The following GSPT1 variants were observed in gnomAD, a reference collection of about 807,000 sequenced individuals.
GSPT1 encodes G1 to S phase transition 1, also known as eukaryotic peptide chain release factor GTP-binding subunit ERF3A.
Under a neutral mutation model 72.5 loss-of-function variants are expected in GSPT1, and 20 were observed. That is an observed-to-expected ratio of 0.28 (90% CI 0.19 to 0.40). The LOEUF is 0.40. Among genes scored for constraint, GSPT1 ranks in the 10% least tolerant of loss-of-function variants. The pLI is 1.00. For missense variants in GSPT1, 580 were observed against 811.9 expected (o/e 0.71, Z 3.47); for synonymous variants, 334 against 293.5 (o/e 1.14, Z -1.41).
Position 11,870,519 on chromosome 16 carries a change from C to G in GSPT1, c.*2600G>C, listed in dbSNP as rs1159846244. ...ACTACCCTATTTTTGCACTGTTGAC[C>G]ATATAAGCACGTTTGCATTTGCAGA... On this transcript the variant is annotated 3_prime_UTR_variant, in exon 15 of 15. Transcript: ENST00000434724. 6.6e-6 allele frequency: 1 copy of G among 152,280 alleles called. No individual in the cohort carries two copies. The allele number at this position is 152,280 out of a possible 1,614,324, so 9.4% of individuals were successfully genotyped here. A position where few individuals can be genotyped will look rare whatever the true frequency, so the allele number is the denominator to read the frequency against.
chr16:11,896,414 G>T, intron 4 of GSPT1, 144 bp downstream of exon 4: 1 of 619,804 alleles, frequency 1.6e-6, no homozygotes, highest in Non-Finnish European at 2.8e-6. Context: ...GCAATTTTTT[G>T]CCAGCTAAAA....
chr16:11,883,827 C>G (rs142305725), intron 10 of GSPT1, among the ~76,000 whole-genome samples: 1 of 151,674 alleles, frequency 6.6e-6, no homozygotes, highest in African/African-American at 2.4e-5. Context: ...GCATGAGAAT[C>G]GCTTGAACCC....
chr16:11,881,887 G>A (rs184410846), intron 11 of GSPT1: 1 of 152,144 alleles, frequency 6.6e-6, no homozygotes, highest in Admixed American at 6.6e-5. Context: ...TCCAACTCCT[G>A]GGCTCAAGCA....
Position 11,896,708 on chromosome 16 carries a change from C to G in GSPT1, c.514G>C (p.Gly172Arg). 2.5e-6 allele frequency: 4 copies of G among 1,607,544 alleles called. No individual in the cohort carries two copies. The highest frequency in any genetic ancestry group is 1.7e-4 in the Middle Eastern group (1 of 6,054). ...KEEISEAEPG[G>R]GSLGDGRPPE... ...GGCCTTCCATCTCCCAAGGAACCAC[C>G]CCCTGGCTCTGCTTCACTTATTTCT... Residue 172 changes from glycine (G) to arginine (R), a missense_variant, in exon 4 of 15, where the codon GGT becomes CGT. By Grantham distance (125) the Gly-to-Arg change is moderately radical. This residue lies in a region of GSPT1 where 327 missense variants were observed against 298.8 expected (regional missense o/e 1.09). Coordinates refer to ENST00000434724, the MANE Select transcript of GSPT1 (RefSeq NM_002094.4).
chr16:11,916,329 C>T (rs958116468), upstream of GSPT1, among the ~76,000 whole-genome samples: 7 of 152,336 alleles, frequency 4.6e-5, no homozygotes, highest in East Asian at 1.4e-3. Context: ...GGCCGAAGAC[C>T]GAGAGTATTT....
intron 11 of GSPT1, among the ~76,000 whole-genome samples, chr16:11,882,800 A>T (rs898426131): frequency 4.4e-4 from 59 of 134,040 alleles, no homozygotes; most frequent in African/African-American, 1.3e-3. Context: ...ATTTTTATTT[A>T]AAAAAAAAAA....
intron 1 of GSPT1, among the ~76,000 whole-genome samples, chr16:11,912,230 C>A (rs1422172951): frequency 1.3e-5 from 2 of 151,468 alleles, no homozygotes; most frequent in African/African-American, 2.4e-5. Flanking sequence ...TGCCTGTAAT[C>A]CCAGCTACTC....
intron 1 of GSPT1, among the ~76,000 whole-genome samples, chr16:11,902,626 C>T (rs148548204): frequency 0.012 from 1,827 of 150,980 alleles, 37 homozygotes; most frequent in African/African-American, 0.043. Flanking sequence ...CTCGCTCTGT[C>T]GCCCAGGTTG....
chr16:11,900,894 G>A (rs2054397431), intron 1 of GSPT1, among the ~76,000 whole-genome samples: 2 of 152,288 alleles, frequency 1.3e-5, no homozygotes, highest in South Asian at 2.1e-4. Flanking sequence ...GGGCATGGTG[G>A]CTCACACCTG....
chr16:11,915,903 G>T lies in GSPT1; in HGVS notation c.-183C>A. 1.1e-6 allele frequency: 1 copy of T among 872,894 alleles called. No homozygotes were observed. Among genetic ancestry groups the T allele is most frequent in the Non-Finnish European group, 1.9e-6 (1 of 524,006 alleles). 54.1% of individuals were successfully genotyped at this position (872,894 alleles called of 1,614,324 possible). A position where few individuals can be genotyped will look rare whatever the true frequency, so the allele number is the denominator to read the frequency against. Reference sequence around the variant, plus strand: ...CCAGTCCCGACTCCACACTCGCGACGACGACAGAGGCGGCGGCGGCGGCAG... The same window carrying T: ...CCAGTCCCGACTCCACACTCGCGACTACGACAGAGGCGGCGGCGGCGGCAG... On this transcript the variant is annotated 5_prime_UTR_variant, in exon 1 of 15. Transcript: ENST00000434724.
intron 14 of GSPT1, among the ~76,000 whole-genome samples, 170 bp downstream of exon 14, chr16:11,875,591 C>T (rs1182974230): frequency 2.6e-5 from 4 of 152,110 alleles, no homozygotes; most frequent in Non-Finnish European, 4.4e-5. Context: ...TACTAAAGCA[C>T]GTGGTCAATT....
At chr16:11,909,433 C>G (rs1280363199) in intron 1 of GSPT1, among the ~76,000 whole-genome samples, 3 of 152,140 alleles carry the variant, frequency 2.0e-5, no homozygotes, top group Non-Finnish European at 4.4e-5. Context: ...GACCTCAGAT[C>G]CTTCAACTAG....
At chr16:11,888,902 C>T (rs2054218386) in intron 6 of GSPT1, among the ~76,000 whole-genome samples, 1 of 152,178 alleles carries the variant, frequency 6.6e-6, no homozygotes, top group African/African-American at 2.4e-5. Flanking sequence ...CTACAAATGC[C>T]AATATCACTG....
At chr16:11,898,608 T>C (rs901583007) in intron 1 of GSPT1, among the ~76,000 whole-genome samples, 1 of 152,114 alleles carries the variant, frequency 6.6e-6, no homozygotes, top group African/African-American at 2.4e-5. Flanking sequence ...CATGCCACCA[T>C]GCCCGGCTAA....
intron 5 of GSPT1, among the ~76,000 whole-genome samples, chr16:11,892,748 G>C (rs2054283152): frequency 7.7e-6 from 1 of 129,398 alleles, no homozygotes; most frequent in African/African-American, 2.8e-5. Flanking sequence ...AGAATCATTT[G>C]AACCCAGGAG....
chr16:11,892,524 A>AAAAAAAAAAATAAAT (rs1567443285), intron 5 of GSPT1, among the ~76,000 whole-genome samples: 3 of 126,718 alleles, frequency 2.4e-5, no homozygotes, highest in African/African-American at 1.1e-4. Flanking sequence ...CAAAAAAAAC[A>AAAAAAAAAAATAAAT]AAAAAAACAA....
At chr16:11,873,334 A>G (rs1220372672) in intron 14 of GSPT1, among the ~76,000 whole-genome samples, 163 bp from the exon 15 acceptor site, 4 of 152,166 alleles carry the variant, frequency 2.6e-5, no homozygotes, top group African/African-American at 9.7e-5. Flanking sequence ...GGTAGTCTTA[A>G]TAAGAGGGTC....
chr16:11,885,116 G>T, intron 10 of GSPT1, 65 bp downstream of exon 10: 1 of 778,992 alleles, frequency 1.3e-6, no homozygotes, highest in South Asian at 1.5e-5. Flanking sequence ...TTCAAAACTA[G>T]AAACAAAATG....
intron 1 of GSPT1, among the ~76,000 whole-genome samples, chr16:11,900,991 C>T (rs2054398446): frequency 6.6e-6 from 1 of 150,786 alleles, no homozygotes. Context: ...CCACCTGTAC[C>T]AAAAAAAGAA....
Sources: gnomAD v4.1 joint callset for allele counts (sites outside exome capture counted in the v4.1 genomes callset) on GRCh38, gnomAD v4.1.1 for gene constraint, gnomAD v4.1.1 regional missense constraint, MANE v1.5 for transcripts, NCBI Gene and HGNC (gene_info 2026-07-23, HGNC 2026-07-21) for gene names.